MSRB3: variants seen among roughly 807,000 people sequenced by gnomAD.
MSRB3 encodes the protein methionine-R-sulfoxide reductase B3.
Under a neutral mutation model 21.0 loss-of-function variants are expected in MSRB3, and 13 were observed. The observed-to-expected ratio is 0.62, with a 90% CI of 0.40 to 0.98. The LOEUF is 0.98. Among genes scored for constraint, MSRB3 ranks in the 50% least tolerant of loss-of-function variants. The probability of loss-of-function intolerance (pLI) is 0.00; values close to 1 mark genes in which losing one functional copy is unlikely to be tolerated. For missense variants in MSRB3, 199 were observed against 230.3 expected, an observed-to-expected ratio of 0.86 and a Z score of 0.88; for synonymous variants, 87 against 88.6, an observed-to-expected ratio of 0.98 and a Z score of 0.10.
At chr12:65,279,172 T>G in intron 1 of MSRB3, 2 of 891,564 alleles carry the variant, frequency 2.2e-6, no homozygotes, top group South Asian at 2.5e-5. Flanking sequence ...CGGGAGCCTC[T>G]CGCCCCGCGC....
chr12:65,422,783 T>G (rs1881388546), intron 5 of MSRB3, among the ~76,000 whole-genome samples: 1 of 151,972 alleles, frequency 6.6e-6, no homozygotes. Flanking sequence ...CATTGTTAAA[T>G]TTATTTCTAA....
chr12:65,365,061 A>T (rs1357288692), intron 4 of MSRB3, among the ~76,000 whole-genome samples: 1 of 123,554 alleles, frequency 8.1e-6, no homozygotes, highest in Admixed American at 1.1e-4. Context: ...GAGGAATAAA[A>T]GTGTTCTGAC....
intron 5 of MSRB3, among the ~76,000 whole-genome samples, chr12:65,387,577 G>A (rs1209507190): frequency 6.6e-6 from 1 of 152,120 alleles, no homozygotes; most frequent in African/African-American, 2.4e-5. Flanking sequence ...AATAAGAGCA[G>A]GGCTTGAGTC....
At chr12:65,453,916 A>C (rs757834054) in intron 6 of MSRB3, 91 bp downstream of exon 6, 36 of 1,020,666 alleles carry the variant, frequency 3.5e-5, no homozygotes, top group Non-Finnish European at 5.1e-5. Flanking sequence ...GACTGGTCAC[A>C]AGAAGGACAG....
At chr12:65,313,831 A>C (rs1452985441) in intron 2 of MSRB3, among the ~76,000 whole-genome samples, 4 of 152,326 alleles carry the variant, frequency 2.6e-5, no homozygotes, top group Admixed American at 1.3e-4. Context: ...AAAAAAGGAC[A>C]TACAAATTTC....
At chr12:65,325,046 T>C (rs1367378148) in intron 2 of MSRB3, among the ~76,000 whole-genome samples, 1 of 152,244 alleles carries the variant, frequency 6.6e-6, no homozygotes, top group African/African-American at 2.4e-5. Flanking sequence ...CAGTATTAAC[T>C]AAGATACAAC....
intron 4 of MSRB3, among the ~76,000 whole-genome samples, chr12:65,336,110 T>C (rs1875746486): frequency 6.6e-6 from 1 of 152,224 alleles, no homozygotes; most frequent in African/African-American, 2.4e-5. Flanking sequence ...GAAAAGTATT[T>C]GTAATACAGA....
chr12:65,458,307 G>A (rs1883180426), intron 6 of MSRB3, among the ~76,000 whole-genome samples: 1 of 152,144 alleles, frequency 6.6e-6, no homozygotes, highest in African/African-American at 2.4e-5. Context: ...CAGTGAATTA[G>A]GCCTCATATT....
At chr12:65,333,903 A>G (rs568651092) in intron 4 of MSRB3, among the ~76,000 whole-genome samples, 1 of 152,226 alleles carries the variant, frequency 6.6e-6, no homozygotes, top group African/African-American at 2.4e-5. Flanking sequence ...TCACATGCAT[A>G]TCTGAACTCT....
chr12:65,311,370 A>G (rs1873975431), intron 2 of MSRB3, among the ~76,000 whole-genome samples: 2 of 152,146 alleles, frequency 1.3e-5, no homozygotes, highest in Non-Finnish European at 2.9e-5. Context: ...TCGACCATTC[A>G]AGCACCACTA....
At chr12:65,371,623 C>A (rs183385046) in intron 5 of MSRB3, among the ~76,000 whole-genome samples, 1 of 151,476 alleles carries the variant, frequency 6.6e-6, no homozygotes, top group Non-Finnish European at 1.5e-5. Flanking sequence ...ACCCCCACCA[C>A]ACACACACAA....
At chr12:65,336,427 G>A (rs964608132) in intron 4 of MSRB3, among the ~76,000 whole-genome samples, 1 of 152,150 alleles carries the variant, frequency 6.6e-6, no homozygotes, top group African/African-American at 2.4e-5. Flanking sequence ...AAAATACCTA[G>A]GTGTGTGAAG....
intron 4 of MSRB3, among the ~76,000 whole-genome samples, chr12:65,330,748 A>T (rs547793122): frequency 6.6e-6 from 1 of 152,258 alleles, no homozygotes; most frequent in East Asian, 1.9e-4. Flanking sequence ...AGCAAGGTTA[A>T]AAAAGTGTTG....
At chr12:65,286,577 T>A (rs977512146) in intron 1 of MSRB3, 5 of 152,168 alleles carry the variant, frequency 3.3e-5, no homozygotes. Flanking sequence ...ACATGTCTTC[T>A]GTTACTATAA....
chr12:65,344,154 T>C (rs774467384), intron 4 of MSRB3: 1 of 152,124 alleles, frequency 6.6e-6, no homozygotes, highest in Non-Finnish European at 1.5e-5. Context: ...AGGATTGGTA[T>C]ACACAGTAGT....
At chr12:65,381,326 T>A (rs748241791) in intron 5 of MSRB3, among the ~76,000 whole-genome samples, 13 of 152,112 alleles carry the variant, frequency 8.5e-5, no homozygotes, top group Admixed American at 3.3e-4. Flanking sequence ...GAATCGATGA[T>A]CATGGTCACC....
intron 4 of MSRB3, among the ~76,000 whole-genome samples, chr12:65,355,869 C>T (rs1041203901): frequency 2.6e-5 from 4 of 151,872 alleles, no homozygotes; most frequent in African/African-American, 9.7e-5. Flanking sequence ...TCCATTTGCT[C>T]TTGATTGAGG....
At chr12:65,314,604 A>G (rs1052106653) in intron 2 of MSRB3, among the ~76,000 whole-genome samples, 13 of 152,148 alleles carry the variant, frequency 8.5e-5, no homozygotes, top group African/African-American at 2.7e-4. Flanking sequence ...TTATACAACA[A>G]TAAGACTGTA....
At chr12:65,444,479 A>G (rs544659716) in intron 5 of MSRB3, among the ~76,000 whole-genome samples, 5 of 152,346 alleles carry the variant, frequency 3.3e-5, no homozygotes, top group Admixed American at 1.3e-4. Flanking sequence ...ATATTTTTAT[A>G]TCACTAATTT....
Sources: gnomAD v4.1 joint callset for allele counts (sites outside exome capture counted in the v4.1 genomes callset) on GRCh38, gnomAD v4.1.1 for gene constraint, MANE v1.5 for transcripts, NCBI Gene and HGNC (gene_info 2026-07-23, HGNC 2026-07-21) for gene names.